Variants in GART observed in about 807,000 individuals in gnomAD.
The protein encoded by GART is trifunctional purine biosynthetic protein adenosine-3.
In GART, 43 loss-of-function variants were observed where a neutral mutation model predicts 107.2. The ratio of observed to expected loss-of-function variants is 0.40; its 90% CI spans 0.31 to 0.52. The LOEUF (loss-of-function observed/expected upper bound fraction) is 0.52, where lower values mean the gene tolerates loss of function less well. Ranked by LOEUF, GART falls within the 20% of genes least tolerant of loss-of-function variation. The probability of loss-of-function intolerance (pLI) is 0.52; values close to 1 mark genes in which losing one functional copy is unlikely to be tolerated. For missense variants in GART, 1,107 were observed against 1,206.5 expected, an observed-to-expected ratio of 0.92 and a Z score of 1.22; for synonymous variants, 434 against 427.0, an observed-to-expected ratio of 1.02 and a Z score of -0.20.
rs766674789 is a variant in GART at position 33,528,260 on chromosome 21, G to C, written c.973C>G (p.Leu325Val). The change falls in exon 10 of 22, where the codon CTG becomes GTG. Residue 325 changes from leucine (L) to valine (V), a missense_variant. Coordinates refer to ENST00000381815, the MANE Select transcript of GART (RefSeq NM_000819.5). Reference protein sequence around the residue: ...STLDGLLCTSLPVWLENHTAL... With the variant: ...STLDGLLCTSVPVWLENHTAL... ...GTGTGGTTTTCTAGCCAAACAGGCA[G>C]AGATGTGCAGAGCAGTCCATCTAAG... The C allele has an allele frequency of 6.2e-7, 1 of 1,614,096 alleles. No individual in the cohort carries two copies. Among genetic ancestry groups the C allele is most frequent in the Non-Finnish European group, 8.5e-7 (1 of 1,179,974 alleles).
chr21:33,512,500 TAAG>T (rs2084803620), intron 16 of GART, among the ~76,000 whole-genome samples: 1 of 152,104 alleles, frequency 6.6e-6, no homozygotes, highest in Non-Finnish European at 1.5e-5. Flanking sequence ...ATGATGCTCT[TAAG>T]AAAGGGAAGC....
At chr21:33,511,524 C>G (rs2084786033) in intron 16 of GART, 66 bp from the exon 17 acceptor site, 1 of 1,451,910 alleles carries the variant, frequency 6.9e-7, no homozygotes, top group African/African-American at 1.4e-5. Context: ...AAAGTATGCA[C>G]ATATTCAAAG....
intron 1 of GART, among the ~76,000 whole-genome samples, chr21:33,539,677 A>T (rs1314895279): frequency 6.6e-6 from 1 of 151,920 alleles, no homozygotes; most frequent in African/African-American, 2.4e-5. Flanking sequence ...TGGGAAACAG[A>T]GCAAGACCAT....
intron 15 of GART, 43 bp downstream of exon 15, chr21:33,517,314 C>G: frequency 6.2e-7 from 1 of 1,609,530 alleles, no homozygotes; most frequent in Non-Finnish European, 8.5e-7. Flanking sequence ...AATGCTTGCT[C>G]AGGCATTTCC....
In GART at chr21:33,517,553, A is replaced by G. The variant is rs907978516; in HGVS notation, c.1758T>C (p.Ala586=). 1 of 1,614,100 alleles carries G rather than the reference A, an allele frequency of 6.2e-7. No individual in the cohort carries two copies. The highest frequency in any genetic ancestry group is 8.5e-7 in the Non-Finnish European group (1 of 1,180,038). ...DMYPPGEYDL[A]GFAVGAMERD... ...GCTCCATGGCACCAACGGCAAACCC[A>G]GCTAGGTCATACTCTCCAGGGGGAT... is the stretch of plus-strand genomic sequence containing the variant. Residue 586 remains alanine (A), a synonymous_variant, in exon 15 of 22, where the codon GCT becomes GCC. Transcript: ENST00000381815.
chr21:33,532,244 C>T (rs952354371), intron 5 of GART, 101 bp downstream of exon 5: 5 of 793,782 alleles, frequency 6.3e-6, no homozygotes, highest in South Asian at 3.2e-5. Context: ...CATATGTTTG[C>T]AAAATAGATT....
At chr21:33,515,652 C>CAAAACA (rs2084861867) in intron 16 of GART, among the ~76,000 whole-genome samples, 1 of 35,878 alleles carries the variant, frequency 2.8e-5, no homozygotes, top group Non-Finnish European at 4.8e-5. Flanking sequence ...GACTCCAACT[C>CAAAACA]AAAAAAAAAA....
At chr21:33,538,122 T>C (rs1269171026) in intron 2 of GART, among the ~76,000 whole-genome samples, 1 of 151,198 alleles carries the variant, frequency 6.6e-6, no homozygotes, top group Non-Finnish European at 1.5e-5. Context: ...CATGCACCTG[T>C]AGTACCAGCT....
chr21:33,505,814 G>A, intron 19 of GART, 112 bp from the exon 20 acceptor site: 1 of 1,335,140 alleles, frequency 7.5e-7, no homozygotes, highest in South Asian at 1.4e-5. Context: ...ATACCTGATA[G>A]AGAGATTATT....
intron 10 of GART, among the ~76,000 whole-genome samples, chr21:33,527,028 G>GT (rs1271436497): frequency 6.6e-6 from 1 of 152,178 alleles, no homozygotes; most frequent in African/African-American, 2.4e-5. Context: ...TGCTCTGGCA[G>GT]AACTATTATA....
Position 33,530,836 on chromosome 21 carries a change from G to C in GART, c.646C>G (p.Gln216Glu). Reference protein sequence around the residue: ...GKTVAPMPPAQDHKRLLEGDG... With the variant: ...GKTVAPMPPAEDHKRLLEGDG... ...CCCTCCAGTAATCGCTTATGGTCCT[G>C]TGCTGGGGGCATGGGGGCCACAGTC... Residue 216 changes from glutamine to glutamate, a missense_variant, in exon 7 of 22, where the codon CAG becomes GAG. Coordinates refer to ENST00000381815, the MANE Select transcript of GART (RefSeq NM_000819.5). The C allele has an allele frequency of 2.0e-6, 3 of 1,537,904 alleles. No individual in the cohort carries two copies. The highest frequency in any genetic ancestry group is 2.6e-6 in the Non-Finnish European group (3 of 1,152,460).
At chr21:33,530,668 C>T in intron 7 of GART, 91 bp downstream of exon 7, 29 of 1,249,174 alleles carry the variant, frequency 2.3e-5, no homozygotes, top group Non-Finnish European at 2.7e-5. Context: ...AACAAACAAA[C>T]AGAAAACAAA....
chr21:33,516,119 G>A (rs1021397560), intron 16 of GART, among the ~76,000 whole-genome samples: 5 of 151,750 alleles, frequency 3.3e-5, no homozygotes, highest in African/African-American at 9.7e-5. Context: ...ATGGTGGCGG[G>A]TGCCTGTAAT....
At chr21:33,526,558 A>G (rs1026355935) in intron 10 of GART, among the ~76,000 whole-genome samples, 2 of 151,466 alleles carry the variant, frequency 1.3e-5, no homozygotes, top group Non-Finnish European at 2.9e-5. Flanking sequence ...TAACCAGATC[A>G]TGAGACTTAA....
intron 10 of GART, among the ~76,000 whole-genome samples, chr21:33,526,606 A>G (rs780856700): frequency 1.3e-5 from 2 of 152,056 alleles, no homozygotes; most frequent in Non-Finnish European, 2.9e-5. Flanking sequence ...TGATCAGTAC[A>G]ATGCAAAACA....
At chr21:33,535,983 G>A (rs1303063449) in intron 2 of GART, among the ~76,000 whole-genome samples, 1 of 151,624 alleles carries the variant, frequency 6.6e-6, no homozygotes, top group South Asian at 2.1e-4. Context: ...AGCCAAGATC[G>A]CACCACTGCA....
intron 7 of GART, 120 bp from the exon 8 acceptor site, chr21:33,529,057 C>T (rs2085132383): frequency 1.7e-6 from 1 of 581,222 alleles, no homozygotes; most frequent in Non-Finnish European, 3.0e-6. Context: ...CTGAAACATG[C>T]TGAACACTTT....
chr21:33,529,836 AAAG>A (rs2085149056), intron 7 of GART: 1 of 154,358 alleles, frequency 6.5e-6, no homozygotes, highest in Non-Finnish European at 1.5e-5. Context: ...TCTTCAATGA[AAAG>A]AATAGGTGAG....
upstream of GART, chr21:33,542,173 C>A (rs910584909): frequency 2.0e-5 from 3 of 151,102 alleles, no homozygotes; most frequent in Admixed American, 2.0e-4. Context: ...CGCCCTACGA[C>A]GGCTTCCCTG....
Sources: allele counts gnomAD v4.1 joint callset (sites outside exome capture counted in the v4.1 genomes callset), GRCh38; gene constraint gnomAD v4.1.1; transcripts MANE v1.5; gene names NCBI Gene and HGNC (gene_info 2026-07-23, HGNC 2026-07-21).